The following NELL1 variants were observed in gnomAD, a reference collection of about 807,000 sequenced individuals.
The protein encoded by NELL1 is protein kinase C-binding protein NELL1.
In NELL1, 76 loss-of-function variants were observed where a neutral mutation model predicts 107.4. That is an observed-to-expected ratio of 0.71 (90% CI 0.59 to 0.86). NELL1 has a LOEUF of 0.86. NELL1 is among the 40% of genes least tolerant of loss of function. The probability of loss-of-function intolerance (pLI) is 0.00; values close to 1 mark genes in which losing one functional copy is unlikely to be tolerated. For synonymous variants in NELL1, 353 were observed against 341.2 expected (o/e 1.03, Z -0.38); for missense variants, 1,024 against 1,005.5 (o/e 1.02, Z -0.25).
chr11:21,341,704 T>C (rs920050544), intron 14 of NELL1, among the ~76,000 whole-genome samples: 1 of 152,216 alleles, frequency 6.6e-6, no homozygotes, highest in African/African-American at 2.4e-5. Flanking sequence ...CACACTATGC[T>C]AAATGAGGAA....
rs551286043 is a variant in NELL1 at position 21,530,111 on chromosome 11, G to A, written c.1646-4263G>A. 3.9e-5 allele frequency among the ~76,000 whole-genome samples: 6 copies of A among 152,198 alleles called. No individual in the cohort carries two copies. In the East Asian group the frequency reaches 7.7e-4, roughly 20 times the overall value. Reference sequence around the variant, plus strand: ...TATGGGGCAAATGTACTAGCACATGGTGGGTGCTCAATAAACTTTTGTTGA... The same window carrying A: ...TATGGGGCAAATGTACTAGCACATGATGGGTGCTCAATAAACTTTTGTTGA... On this transcript the variant is annotated intron_variant, in intron 15 of 19. Transcript: ENST00000357134.
chr11:20,939,850 AG>A, intron 10 of NELL1, among the ~76,000 whole-genome samples: 1 of 152,324 alleles, frequency 6.6e-6, no homozygotes, highest in South Asian at 2.1e-4. Context: ...AAATGGGGCC[AG>A]GTTTAGGCAT....
In NELL1 at chr11:20,731,856, C is replaced by T. The variant is rs138058580; in HGVS notation, c.185-51824C>T. Among the ~76,000 whole-genome samples, 535 of 152,174 alleles carry T rather than the reference C, an allele frequency of 3.5e-3. 3 individuals are homozygous for T. Among genetic ancestry groups the T allele is most frequent in the Non-Finnish European group, 4.5e-3 (304 of 67,978 alleles). On this transcript the variant is annotated intron_variant, in intron 2 of 19. Transcript: ENST00000357134. ...GCCATTTGTAGTGGGAGCAGGTGTG[C>T]GCAGATACATGTGGTAAGGATGTGC...
chr11:20,777,017 G>T (rs963745558), intron 2 of NELL1, among the ~76,000 whole-genome samples: 1 of 152,184 alleles, frequency 6.6e-6, no homozygotes, highest in African/African-American at 2.4e-5. Flanking sequence ...TTTCCTGAGT[G>T]AACACAAAAG....
intron 1 of NELL1, among the ~76,000 whole-genome samples, chr11:20,670,255 G>A (rs1853866634): frequency 6.6e-6 from 1 of 152,190 alleles, no homozygotes; most frequent in Non-Finnish European, 1.5e-5. Flanking sequence ...GGAGGGCGCG[G>A]TGCGGCGAGG....
chr11:20,955,873 G>C (rs1851159836), intron 11 of NELL1, among the ~76,000 whole-genome samples: 1 of 152,042 alleles, frequency 6.6e-6, no homozygotes, highest in Non-Finnish European at 1.5e-5. Context: ...GAATTAACTT[G>C]ACTTTATCTA....
intron 12 of NELL1, among the ~76,000 whole-genome samples, chr11:20,997,135 G>A (rs1374419170): frequency 1.3e-5 from 2 of 152,154 alleles, no homozygotes; most frequent in Non-Finnish European, 2.9e-5. Context: ...CACAAAATTT[G>A]TCTACTAATA....
chr11:20,950,615 C>G (rs79221907), intron 11 of NELL1, among the ~76,000 whole-genome samples: 9,700 of 152,286 alleles, frequency 0.064, 416 homozygotes, highest in Middle Eastern at 0.11. Context: ...GCCTCCTCCC[C>G]TTCTCCCCTT....
At chr11:21,188,297 T>G (rs1001313372) in intron 13 of NELL1, among the ~76,000 whole-genome samples, 1 of 151,970 alleles carries the variant, frequency 6.6e-6, no homozygotes, top group African/African-American at 2.4e-5. Flanking sequence ...TGATTCTGGT[T>G]GGAATTTAGG....
chr11:21,522,915 A>C (rs1428449343), intron 15 of NELL1, among the ~76,000 whole-genome samples: 1 of 126,504 alleles, frequency 7.9e-6, no homozygotes, highest in Non-Finnish European at 1.5e-5. Context: ...ATCTTGGCTC[A>C]CTTCATGCAA....
At chr11:20,820,802 C>G (rs77787858) in intron 3 of NELL1, among the ~76,000 whole-genome samples, 1,693 of 152,274 alleles carry the variant, frequency 0.011, 24 homozygotes, top group African/African-American at 0.039. Flanking sequence ...TATTAGAGAG[C>G]CTTCCTTGAT....
At chr11:20,936,444 C>G (rs1242050951) in intron 9 of NELL1, among the ~76,000 whole-genome samples, 1 of 152,160 alleles carries the variant, frequency 6.6e-6, no homozygotes, top group East Asian at 1.9e-4. Context: ...CCTGGACTTT[C>G]TTCTTCCTGT....
At chr11:21,555,252 C>T (rs1389212007) in intron 16 of NELL1, among the ~76,000 whole-genome samples, 1 of 151,674 alleles carries the variant, frequency 6.6e-6, no homozygotes, top group Non-Finnish European at 1.5e-5. Context: ...TATTATATTC[C>T]AGAAGGGTCA....
intron 14 of NELL1, among the ~76,000 whole-genome samples, chr11:21,272,390 A>G (rs1191067259): frequency 6.6e-6 from 1 of 152,174 alleles, no homozygotes. Context: ...TTGAGTAGAT[A>G]AACAAAGCAG....
chr11:20,929,895 C>T (rs1446288384), intron 9 of NELL1, among the ~76,000 whole-genome samples: 1 of 151,324 alleles, frequency 6.6e-6, no homozygotes, highest in Admixed American at 6.6e-5. Flanking sequence ...TTGCTTGAAC[C>T]CGGGAGGCAG....
chr11:20,786,885 G>A (rs1480962508), intron 3 of NELL1, among the ~76,000 whole-genome samples: 8 of 151,488 alleles, frequency 5.3e-5, no homozygotes, highest in East Asian at 2.0e-4. Flanking sequence ...GCGGGCGCCT[G>A]TAGTCCCAGC....
At chr11:21,235,332 T>A (rs1166124962) in intron 14 of NELL1, among the ~76,000 whole-genome samples, 1 of 152,146 alleles carries the variant, frequency 6.6e-6, no homozygotes, top group Non-Finnish European at 1.5e-5. Flanking sequence ...AGCAATTTCA[T>A]AACAGTTTAA....
At chr11:21,227,359 T>A (rs769348420) in intron 13 of NELL1, among the ~76,000 whole-genome samples, 3 of 152,184 alleles carry the variant, frequency 2.0e-5, no homozygotes, top group African/African-American at 7.2e-5. Context: ...TTTTGTATGA[T>A]AAAATAAAAG....
At chr11:21,526,774 C>T (rs928280037) in intron 15 of NELL1, among the ~76,000 whole-genome samples, 2 of 152,180 alleles carry the variant, frequency 1.3e-5, no homozygotes, top group African/African-American at 4.8e-5. Flanking sequence ...TGGGATACAG[C>T]AGCTGGGATG....
Sources: allele counts gnomAD v4.1 joint callset (sites outside exome capture counted in the v4.1 genomes callset), GRCh38; gene constraint gnomAD v4.1.1; transcripts MANE v1.5; gene names NCBI Gene and HGNC (gene_info 2026-07-23, HGNC 2026-07-21).